ADGRG1: variants seen among roughly 807,000 people sequenced by gnomAD.
ADGRG1 encodes the protein 7-transmembrane protein with no EGF-like N-terminal domains-1.
ADGRG1 carries 53 observed loss-of-function variants against 73.5 expected under a neutral mutation model. The ratio of observed to expected loss-of-function variants is 0.72; its 90% CI spans 0.58 to 0.91. The LOEUF (loss-of-function observed/expected upper bound fraction) is 0.91, where lower values mean the gene tolerates loss of function less well. ADGRG1 is among the 40% of genes least tolerant of loss of function. The probability of loss-of-function intolerance (pLI) is 0.00; values close to 1 mark genes in which losing one functional copy is unlikely to be tolerated. For missense variants in ADGRG1, 795 were observed against 871.8 expected (o/e 0.91, Z 1.11); for synonymous variants, 394 against 374.4 (o/e 1.05, Z -0.60).
At chr16:57,627,971 G>A (rs566400070), upstream of ADGRG1, 23 of 984,024 alleles carry the variant, frequency 2.3e-5, 1 homozygote, top group South Asian at 2.4e-4. Flanking sequence ...AAAGGAGGCC[G>A]TTTCCAGAAG....
At chr16:57,640,799 G>T in intron 1 of ADGRG1, 6 of 763,596 alleles carry the variant, frequency 7.9e-6, no homozygotes, top group Non-Finnish European at 9.6e-6. Flanking sequence ...GAAAGGGAGG[G>T]TTGGTGGCCA....
chr16:57,654,645 C>T (rs552929181), intron 5 of ADGRG1, among the ~76,000 whole-genome samples: 5 of 151,966 alleles, frequency 3.3e-5, no homozygotes, highest in Admixed American at 2.0e-4. Context: ...TTTGGGAGGC[C>T]GAGGCAGGCA....
At chr16:57,645,559 G>A (rs1358463767) in intron 1 of ADGRG1, among the ~76,000 whole-genome samples, 1 of 152,204 alleles carries the variant, frequency 6.6e-6, no homozygotes, top group Non-Finnish European at 1.5e-5. Context: ...AGCAGCTGAG[G>A]GATGCGGGGC....
At chr16:57,624,095 C>A, upstream of ADGRG1, 1 of 530,676 alleles carries the variant, frequency 1.9e-6, no homozygotes, top group Non-Finnish European at 2.4e-6. Context: ...TGATGTTGGC[C>A]AAGATTTATT....
Position 57,654,228 on chromosome 16 carries a change from G to A in ADGRG1, c.768+95G>A, listed in dbSNP as rs1353119902. 42 of 1,274,996 alleles carry A rather than the reference G, an allele frequency of 3.3e-5. 3 individuals carry two copies. The highest frequency in any genetic ancestry group is 1.5e-4 in the East Asian group (6 of 41,114). The allele number at this position is 1,274,996 out of a possible 1,614,324, so 79.0% of individuals were successfully genotyped here. On this transcript the variant is annotated intron_variant, in intron 5 of 13. Coordinates refer to ENST00000562631, the MANE Select transcript of ADGRG1 (RefSeq NM_201525.4). ...GCACTCCCTGAAGCTCAGTGCCGTC[G>A]CAGCCTCTCCCTGGGGCCTCCCGAG...
At chr16:57,634,306 A>G (rs1198747698) in intron 1 of ADGRG1, 1 of 985,252 alleles carries the variant, frequency 1.0e-6, no homozygotes, top group African/African-American at 1.7e-5. Context: ...TTTGATGGTG[A>G]CAGATGCTAG....
chr16:57,653,978 C>T lies in ADGRG1; in HGVS notation c.621-8C>T, dbSNP rs866589520. 9.3e-6 allele frequency: 15 copies of T among 1,613,862 alleles called. No homozygotes were observed. The highest frequency in any genetic ancestry group is 1.6e-4 in the Middle Eastern group (1 of 6,062). ...CCACCATCACCACCGCTTTCTCCTC[C>T]CTGCCAGGCAGTTGCAGAGCCTGGA... On this transcript the variant is annotated splice_region_variant and splice_polypyrimidine_tract_variant and intron_variant, in intron 4 of 13. Transcript: ENST00000562631.
upstream of ADGRG1, chr16:57,626,564 C>A (rs34467993): frequency 0.017 from 16,614 of 983,358 alleles, 304 homozygotes; most frequent in East Asian, 0.16. Context: ...CAGAGCTGGG[C>A]AGCCAACTCC....
At chr16:57,651,933 C>G in intron 3 of ADGRG1, 1 of 1,351,394 alleles carries the variant, frequency 7.4e-7, no homozygotes, top group Admixed American at 3.1e-5. Flanking sequence ...AGGATGAGGT[C>G]TGAATAGGGT....
At chr16:57,638,484 C>T (rs543101196) in intron 1 of ADGRG1, among the ~76,000 whole-genome samples, 7 of 152,304 alleles carry the variant, frequency 4.6e-5, no homozygotes, top group South Asian at 2.1e-4. Flanking sequence ...CTCCCAGCCC[C>T]GCCCCGGGAG....
chr16:57,631,861 T>C (rs1280013773), intron 1 of ADGRG1: 2 of 979,840 alleles, frequency 2.0e-6, no homozygotes, highest in African/African-American at 3.5e-5. Context: ...AGGGGAGCCC[T>C]GTAGATTCTG....
intron 1 of ADGRG1, chr16:57,645,169 G>T: frequency 1.0e-6 from 1 of 985,430 alleles, no homozygotes; most frequent in Non-Finnish European, 1.2e-6. Context: ...GCTCAGTGTC[G>T]TGCCCCAGCA....
chr16:57,653,151 C>G (rs2044545683), intron 3 of ADGRG1, 52 bp from the exon 4 acceptor site: 4 of 1,600,026 alleles, frequency 2.5e-6, no homozygotes, highest in Non-Finnish European at 3.4e-6. Context: ...ATGGGAGGGT[C>G]CTGGGACCTG....
intron 1 of ADGRG1, chr16:57,630,077 T>A: frequency 1.1e-6 from 1 of 892,126 alleles, no homozygotes; most frequent in Non-Finnish European, 1.3e-6. Context: ...TATTGAGCGC[T>A]TACTGTGCAC....
At chr16:57,633,676 G>A (rs2038604532) in intron 1 of ADGRG1, 3 of 216,556 alleles carry the variant, frequency 1.4e-5, no homozygotes, top group African/African-American at 4.7e-5. Flanking sequence ...CATCCTGAGA[G>A]GATTAAGTGA....
chr16:57,653,587 G>A (rs1173339052), intron 4 of ADGRG1: 1 of 985,002 alleles, frequency 1.0e-6, no homozygotes, highest in South Asian at 4.7e-5. Flanking sequence ...AGGATGGGTG[G>A]TCCACAGTAC....
At chr16:57,655,283 A>G in intron 5 of ADGRG1, 116 bp from the exon 6 acceptor site, 1 of 1,575,094 alleles carries the variant, frequency 6.3e-7, no homozygotes, top group East Asian at 2.3e-5. Flanking sequence ...TCCTGAAGAA[A>G]TGGGCTTAGA....
chr16:57,648,354 G>A, intron 1 of ADGRG1: 1 of 564,826 alleles, frequency 1.8e-6, no homozygotes. Flanking sequence ...CACAACCTGG[G>A]AAATGGTGCC....
chr16:57,634,823 G>A (rs568229564), intron 1 of ADGRG1, among the ~76,000 whole-genome samples: 2 of 152,308 alleles, frequency 1.3e-5, no homozygotes, highest in East Asian at 1.9e-4. Context: ...CCCCGGAGTC[G>A]CTATGTCCTT....
Sources: allele counts gnomAD v4.1 joint callset (sites outside exome capture counted in the v4.1 genomes callset), GRCh38; gene constraint gnomAD v4.1.1; transcripts MANE v1.5; gene names NCBI Gene and HGNC (gene_info 2026-07-23, HGNC 2026-07-21).